The following ZNF385B variants were observed in gnomAD, a reference collection of about 807,000 sequenced individuals.
ZNF385B encodes the protein zinc finger protein 385B.
In ZNF385B, 23 loss-of-function variants were observed where a neutral mutation model predicts 39.2. The observed-to-expected ratio is 0.59, with a 90% CI of 0.42 to 0.83. The LOEUF is 0.83. ZNF385B is among the 40% of genes least tolerant of loss of function. The pLI is 0.00. For synonymous variants in ZNF385B, 205 were observed against 222.6 expected (o/e 0.92, Z 0.70); for missense variants, 552 against 598.9 (o/e 0.92, Z 0.82).
At chr2:179,679,092 C>CTA (rs1697257493) in intron 3 of ZNF385B, among the ~76,000 whole-genome samples, 1 of 152,230 alleles carries the variant, frequency 6.6e-6, no homozygotes, top group South Asian at 2.1e-4. Context: ...ATAGAAGGAA[C>CTA]TACAGTCAAG....
intron 3 of ZNF385B, among the ~76,000 whole-genome samples, chr2:179,698,145 C>A (rs889541827): frequency 6.6e-6 from 1 of 150,462 alleles, no homozygotes; most frequent in Non-Finnish European, 1.5e-5. Context: ...CAAACCTGCA[C>A]GTTGTGCACA....
intron 5 of ZNF385B, among the ~76,000 whole-genome samples, chr2:179,505,628 T>C (rs1449254808): frequency 6.6e-6 from 1 of 152,136 alleles, no homozygotes; most frequent in Non-Finnish European, 1.5e-5. Flanking sequence ...TCAGTGAGAA[T>C]TATTGAAGAT....
chr2:179,672,033 A>G (rs139530153), intron 3 of ZNF385B, among the ~76,000 whole-genome samples: 18 of 152,360 alleles, frequency 1.2e-4, no homozygotes, highest in African/African-American at 4.3e-4. Flanking sequence ...GAGCTGTGAC[A>G]TGGGCTATGC....
In ZNF385B at chr2:179,445,735, C is replaced by G. The variant is rs2049405028; in HGVS notation, c.962-7G>C. ...ATGGTCTTGTGTTTAGATCCTAAGA[C>G]AGAAAGAGACACATATTAAATAGCT... On this transcript the variant is annotated splice_region_variant and splice_polypyrimidine_tract_variant and intron_variant, in intron 7 of 9. Transcript: ENST00000410066. 6.3e-7 allele frequency: 1 copy of G among 1,590,208 alleles called. No individual in the cohort carries two copies. Among genetic ancestry groups the G allele is most frequent in the African/African-American group, 1.4e-5 (1 of 73,548 alleles).
At chr2:179,844,432 TG>T (rs1393508800) in intron 1 of ZNF385B, among the ~76,000 whole-genome samples, 4 of 152,140 alleles carry the variant, frequency 2.6e-5, no homozygotes, top group African/African-American at 9.7e-5. Context: ...AGTTTCAAAA[TG>T]GGGACTATGA....
At chr2:179,594,641 T>C (rs1017976091) in intron 3 of ZNF385B, among the ~76,000 whole-genome samples, 14 of 152,274 alleles carry the variant, frequency 9.2e-5, no homozygotes, top group African/African-American at 3.4e-4. Context: ...TATGCTGATG[T>C]TATTTTTGAC....
intron 1 of ZNF385B, among the ~76,000 whole-genome samples, chr2:179,811,557 T>C (rs1706733480): frequency 6.6e-6 from 1 of 152,126 alleles, no homozygotes; most frequent in African/African-American, 2.4e-5. Context: ...GGAAAAGGAC[T>C]CCCTATTCAG....
At chr2:179,729,563 A>G (rs1407724022) in intron 3 of ZNF385B, among the ~76,000 whole-genome samples, 1 of 152,214 alleles carries the variant, frequency 6.6e-6, no homozygotes, top group East Asian at 1.9e-4. Context: ...TTCAAGTTGC[A>G]TTAATGCTTA....
intron 3 of ZNF385B, among the ~76,000 whole-genome samples, chr2:179,608,464 C>T (rs567567543): frequency 2.0e-5 from 3 of 152,244 alleles, no homozygotes; most frequent in South Asian, 4.1e-4. Context: ...TGCTGTGCCC[C>T]TTCCAGACTC....
intron 1 of ZNF385B, among the ~76,000 whole-genome samples, chr2:179,801,215 T>C (rs7573137): frequency 0.27 from 40,420 of 151,916 alleles, 5,591 homozygotes; most frequent in Non-Finnish European, 0.29. Context: ...TACTATGGAG[T>C]TGTTACTAGG....
intron 4 of ZNF385B, among the ~76,000 whole-genome samples, chr2:179,526,839 A>G (rs1385611384): frequency 6.6e-6 from 1 of 152,224 alleles, no homozygotes; most frequent in East Asian, 1.9e-4. Flanking sequence ...ACCAAGGGTC[A>G]AATGTTTGGG....
chr2:179,745,724 A>T, intron 3 of ZNF385B: 2 of 1,543,690 alleles, frequency 1.3e-6, no homozygotes, highest in Non-Finnish European at 1.7e-6. Context: ...TCTGCTAGGA[A>T]GTCCACTCCA....
At chr2:179,735,085 T>C (rs2106437273) in intron 3 of ZNF385B, among the ~76,000 whole-genome samples, 1 of 151,838 alleles carries the variant, frequency 6.6e-6, no homozygotes, top group Admixed American at 6.6e-5. Context: ...ACCATCAGAG[T>C]GAACAGGCAA....
chr2:179,798,156 A>G (rs1705795858), intron 1 of ZNF385B, among the ~76,000 whole-genome samples: 2 of 151,846 alleles, frequency 1.3e-5, no homozygotes, highest in Non-Finnish European at 1.5e-5. Flanking sequence ...TATTATTTGA[A>G]TTTATAATCA....
intron 1 of ZNF385B, among the ~76,000 whole-genome samples, chr2:179,793,482 T>G (rs1705468127): frequency 6.6e-6 from 1 of 152,198 alleles, no homozygotes; most frequent in Admixed American, 6.5e-5. Context: ...TGCCATGCTG[T>G]TCTCCTGATA....
At chr2:179,620,708 T>C (rs1355954064) in intron 3 of ZNF385B, among the ~76,000 whole-genome samples, 1 of 152,174 alleles carries the variant, frequency 6.6e-6, no homozygotes, top group Non-Finnish European at 1.5e-5. Context: ...CATATATTCA[T>C]AAAAAACTAA....
At chr2:179,842,251 C>T (rs1708574342) in intron 1 of ZNF385B, among the ~76,000 whole-genome samples, 1 of 152,166 alleles carries the variant, frequency 6.6e-6, no homozygotes, top group Admixed American at 6.5e-5. Flanking sequence ...ATTAATATAA[C>T]TAAACTTCTG....
intron 3 of ZNF385B, among the ~76,000 whole-genome samples, chr2:179,660,486 T>C (rs1188132456): frequency 1.3e-5 from 2 of 152,212 alleles, no homozygotes; most frequent in African/African-American, 4.8e-5. Context: ...ATTTCTTCTG[T>C]TTTCCATTCC....
intron 3 of ZNF385B, among the ~76,000 whole-genome samples, chr2:179,621,723 G>A (rs1021788621): frequency 3.9e-5 from 6 of 152,140 alleles, no homozygotes; most frequent in Non-Finnish European, 8.8e-5. Context: ...CTGCTCCTCA[G>A]TCGCCCCTTT....
Sources: gnomAD v4.1 joint callset for allele counts (sites outside exome capture counted in the v4.1 genomes callset) on GRCh38, gnomAD v4.1.1 for gene constraint, MANE v1.5 for transcripts, NCBI Gene and HGNC (gene_info 2026-07-23, HGNC 2026-07-21) for gene names.